PRDM10: variants seen among roughly 807,000 people sequenced by gnomAD.
PRDM10 encodes PR domain zinc finger protein 10.
In PRDM10, 65 loss-of-function variants were observed where a neutral mutation model predicts 133.1. That is an observed-to-expected ratio of 0.49 (90% confidence interval 0.40 to 0.60). The LOEUF is 0.60. Ranked by LOEUF, PRDM10 falls within the 20% of genes least tolerant of loss-of-function variation. The pLI is 0.00. For synonymous variants in PRDM10, 582 were observed against 580.4 expected (o/e 1.00, Z -0.04); for missense variants, 1,137 against 1,507.1 (o/e 0.75, Z 4.07).
At chr11:129,992,894 A>G (rs760463210) in intron 1 of PRDM10, among the ~76,000 whole-genome samples, 4 of 152,234 alleles carry the variant, frequency 2.6e-5, no homozygotes, top group African/African-American at 4.8e-5. Flanking sequence ...CTGTGTGTTC[A>G]GAACACAACA....
At chr11:129,968,081 T>C (rs1024439355) in intron 1 of PRDM10, among the ~76,000 whole-genome samples, 2 of 152,142 alleles carry the variant, frequency 1.3e-5, no homozygotes, top group African/African-American at 4.8e-5. Context: ...GGTAGATGAG[T>C]ACCTGGAATC....
intron 7 of PRDM10, among the ~76,000 whole-genome samples, chr11:129,939,307 C>A (rs11822463): frequency 1.1e-4 from 17 of 151,962 alleles, no homozygotes; most frequent in Admixed American, 1.1e-3. Context: ...ATGATTTTTA[C>A]GGATTATTTT....
At chr11:129,996,821 T>C (rs930716017) in intron 1 of PRDM10, among the ~76,000 whole-genome samples, 1 of 152,112 alleles carries the variant, frequency 6.6e-6, no homozygotes, top group African/African-American at 2.4e-5. Context: ...TGCTTTGTTA[T>C]TGAGCCATTT....
intron 10 of PRDM10, among the ~76,000 whole-genome samples, chr11:129,931,590 A>C (rs1188558814): frequency 2.8e-5 from 4 of 141,972 alleles, no homozygotes; most frequent in African/African-American, 7.9e-5. Flanking sequence ...TTTTTTTGAG[A>C]CGGAGTCTCG....
chr11:129,980,361 G>A (rs1938037579), intron 1 of PRDM10, among the ~76,000 whole-genome samples: 1 of 152,194 alleles, frequency 6.6e-6, no homozygotes, highest in South Asian at 2.1e-4. Context: ...CAGTCCTGTG[G>A]CCTAGGAGGA....
Position 129,947,568 on chromosome 11 carries a change from A to T in PRDM10, c.295-198T>A. On this transcript the variant is annotated intron_variant, in intron 4 of 20. Transcript: ENST00000360871. This position sits in a 1 kb window ranked among gnomAD's most constrained non-coding sequence, Gnocchi z 4.6. ...CTTCATTTTTGATCTGACTGCTCAC[A>T]GCCTTTAAGCCTCTGCCCTCCCTCT... 1 of 1,436,796 alleles carries T rather than the reference A, an allele frequency of 7.0e-7. No homozygotes were observed. The highest frequency in any genetic ancestry group is 2.5e-5 in the East Asian group (1 of 40,336). 89.0% of individuals were successfully genotyped at this position (1,436,796 alleles called of 1,614,324 possible).
chr11:129,937,367 G>A (rs1951066527), intron 8 of PRDM10, among the ~76,000 whole-genome samples: 1 of 152,102 alleles, frequency 6.6e-6, no homozygotes, highest in Non-Finnish European at 1.5e-5. Flanking sequence ...TTCTAATTTG[G>A]TATTTGGAAG....
rs1381766758 is a variant in PRDM10, at chr11:129,936,601, C to T, written c.1039+997G>A. On this transcript the variant is annotated intron_variant, in intron 8 of 20. Coordinates refer to ENST00000360871, the MANE Select transcript of PRDM10 (RefSeq NM_199437.2). ...CCGGGAGGTGGAGCTTGCAGTGAGC[C>T]GAGATCACGCCACTGCACTCCAGCC... 5.3e-5 allele frequency among the ~76,000 whole-genome samples: 8 copies of T among 151,850 alleles called. No homozygotes were observed. In the South Asian group the frequency reaches 6.2e-4, roughly 12 times the overall value.
At chr11:129,938,639 C>G (rs1951110792) in intron 7 of PRDM10, among the ~76,000 whole-genome samples, 1 of 152,182 alleles carries the variant, frequency 6.6e-6, no homozygotes. Context: ...CCTCAAATCC[C>G]AGTTACCCCA....
Position 129,937,582 on chromosome 11 carries a change from A to G in PRDM10, c.1039+16T>C, listed in dbSNP as rs769015418. 3 of 1,608,092 alleles carry G rather than the reference A, an allele frequency of 1.9e-6. No homozygotes were observed. Among genetic ancestry groups the G allele is most frequent in the South Asian group, 1.1e-5 (1 of 90,138 alleles). ...AGAATTCATATAGAAAATGTAAAAC[A>G]TAAACGTCTAACCACCTTTCCTTTC... On this transcript the variant is annotated intron_variant, in intron 8 of 20. Coordinates refer to ENST00000360871, the MANE Select transcript of PRDM10 (RefSeq NM_199437.2).
In PRDM10 at chr11:129,937,581, C is replaced by T; in HGVS notation, c.1039+17G>A. ...TAGAATTCATATAGAAAATGTAAAA[C>T]ATAAACGTCTAACCACCTTTCCTTT... On this transcript the variant is annotated intron_variant, in intron 8 of 20. Transcript: ENST00000360871. 1 of 1,606,516 alleles carries T rather than the reference C, an allele frequency of 6.2e-7. No homozygotes were observed.
intron 1 of PRDM10, among the ~76,000 whole-genome samples, chr11:129,963,452 A>AAG (rs766469989): frequency 1.7e-3 from 259 of 151,006 alleles, no homozygotes; most frequent in Non-Finnish European, 2.2e-3. Context: ...AAGAGAAGAG[A>AAG]AGAAGTCATA....
chr11:129,902,737 T>C (rs1949881646), intron 20 of PRDM10, among the ~76,000 whole-genome samples: 1 of 152,152 alleles, frequency 6.6e-6, no homozygotes, highest in Non-Finnish European at 1.5e-5. Context: ...CACCAAATGA[T>C]AGAGCGAACA....
intron 1 of PRDM10, among the ~76,000 whole-genome samples, chr11:129,997,002 T>G (rs1939099148): frequency 6.6e-6 from 1 of 152,140 alleles, no homozygotes; most frequent in African/African-American, 2.4e-5. Flanking sequence ...AGCACAGCAG[T>G]GAACCTCTTT....
chr11:129,987,169 T>C (rs1257314812), intron 1 of PRDM10, among the ~76,000 whole-genome samples: 1 of 152,188 alleles, frequency 6.6e-6, no homozygotes, highest in Admixed American at 6.5e-5. Context: ...TTCAGAATAA[T>C]ACTTTTATTG....
intron 1 of PRDM10, among the ~76,000 whole-genome samples, chr11:129,985,275 G>C (rs1480039932): frequency 6.6e-6 from 1 of 152,170 alleles, no homozygotes; most frequent in Non-Finnish European, 1.5e-5. Context: ...GTGTGTGTGT[G>C]TGTGTACATA....
At chr11:129,916,754 C>A (rs1232420294) in intron 15 of PRDM10, among the ~76,000 whole-genome samples, 1 of 152,110 alleles carries the variant, frequency 6.6e-6, no homozygotes, top group Non-Finnish European at 1.5e-5. Flanking sequence ...CTTTCCCAAC[C>A]CCCTCCACCT....
chr11:129,945,513 A>G lies in PRDM10; in HGVS notation c.521-501T>C, dbSNP rs1951376661. ...TTATATCTCAGCCTAACTCAAACGGAAAAAGGGTTGTGCGGTCTGAGAGTT... is the reference window on the plus strand; with the variant it reads ...TTATATCTCAGCCTAACTCAAACGGGAAAAGGGTTGTGCGGTCTGAGAGTT... On this transcript the variant is annotated intron_variant, in intron 5 of 20. Transcript: ENST00000360871. The surrounding 1 kb of genome is among the most constrained non-coding windows in gnomAD (Gnocchi z 4.2). Among the ~76,000 whole-genome samples the G allele has an allele frequency of 6.6e-6, 1 of 152,236 alleles. No homozygotes were observed. The highest frequency in any genetic ancestry group is 2.1e-4 in the South Asian group (1 of 4,828).
chr11:129,965,386 T>G (rs1230975871), intron 1 of PRDM10, among the ~76,000 whole-genome samples: 3 of 152,246 alleles, frequency 2.0e-5, no homozygotes, highest in Non-Finnish European at 4.4e-5. Flanking sequence ...CTGTTGATTT[T>G]GATTTACAGG....
Sources: allele counts gnomAD v4.1 joint callset (sites outside exome capture counted in the v4.1 genomes callset), GRCh38; gene constraint gnomAD v4.1.1; non-coding constraint Gnocchi (gnomAD v3.1); transcripts MANE v1.5; gene names NCBI Gene and HGNC (gene_info 2026-07-23, HGNC 2026-07-21).